Variants in ACTR10 observed in about 807,000 individuals in gnomAD.
ACTR10 encodes actin-related protein 10.
Under a neutral mutation model 56.2 loss-of-function variants are expected in ACTR10, and 43 were observed. The ratio of observed to expected loss-of-function variants is 0.77; its 90% CI spans 0.60 to 0.99. ACTR10 has a LOEUF of 0.99. Among genes scored for constraint, ACTR10 ranks in the 50% least tolerant of loss-of-function variants. ACTR10 has a pLI of 0.00. For missense variants in ACTR10, 466 were observed against 507.8 expected, an observed-to-expected ratio of 0.92 and a Z score of 0.79; for synonymous variants, 170 against 176.3, an observed-to-expected ratio of 0.96 and a Z score of 0.28.
Position 58,234,580 on chromosome 14 carries a change from A to T in ACTR10, c.*29A>T. The T allele has an allele frequency of 6.3e-7, 1 of 1,588,936 alleles. No homozygotes were observed. The highest frequency in any genetic ancestry group is 1.3e-5 in the African/African-American group (1 of 74,124). On this transcript the variant is annotated 3_prime_UTR_variant, in exon 13 of 13. Transcript: ENST00000254286. ...TTTGATTAAAAATCAACCTTGCTTC[A>T]TATCAAATATTTAACCAATTATAAG...
intron 10 of ACTR10, among the ~76,000 whole-genome samples, chr14:58,228,483 G>C (rs770763910): frequency 5.9e-5 from 9 of 151,890 alleles, no homozygotes; most frequent in Non-Finnish European, 1.0e-4. Context: ...TTAGCTGGGC[G>C]TGGTGGCACA....
At chr14:58,216,171 C>G (rs148310084) in intron 7 of ACTR10, among the ~76,000 whole-genome samples, 2,257 of 152,264 alleles carry the variant, frequency 0.015, 22 homozygotes, top group Middle Eastern at 0.034. Flanking sequence ...GTTGCCCAGA[C>G]TGGAGGGCAG....
intron 1 of ACTR10, among the ~76,000 whole-genome samples, chr14:58,200,838 A>C (rs536208343): frequency 6.6e-6 from 1 of 152,366 alleles, no homozygotes; most frequent in Admixed American, 6.5e-5. Context: ...CTAAACTCGA[A>C]GGTTAGATTT....
chr14:58,213,729 T>C, intron 6 of ACTR10, 31 bp downstream of exon 6: 1 of 1,553,492 alleles, frequency 6.4e-7, no homozygotes, highest in Non-Finnish European at 8.9e-7. Context: ...CATATTCATT[T>C]CACCTGTGCC....
intron 2 of ACTR10, among the ~76,000 whole-genome samples, chr14:58,204,482 T>C (rs1000784681): frequency 6.6e-6 from 1 of 151,850 alleles, no homozygotes; most frequent in Non-Finnish European, 1.5e-5. Context: ...GCCCAGGAGG[T>C]TGAGGCTGCA....
At chr14:58,203,028 G>A (rs1364878244) in intron 2 of ACTR10, 101 bp downstream of exon 2, 6 of 801,766 alleles carry the variant, frequency 7.5e-6, no homozygotes, top group African/African-American at 5.3e-5. Context: ...AAGGCCAGCC[G>A]TGGTGGCTCA....
intron 4 of ACTR10, 68 bp downstream of exon 4, chr14:58,209,175 C>G (rs1566623802): frequency 8.9e-7 from 1 of 1,125,246 alleles, no homozygotes; most frequent in Non-Finnish European, 1.3e-6. Context: ...AAATTCTTAC[C>G]AATTTTTAGG....
At chr14:58,205,402 C>G (rs943709271) in intron 2 of ACTR10, among the ~76,000 whole-genome samples, 4 of 150,030 alleles carry the variant, frequency 2.7e-5, no homozygotes, top group African/African-American at 9.8e-5. Context: ...ACAAGCCCCA[C>G]CTCCCGGGTT....
At chr14:58,230,324 G>A (rs1319559265) in intron 10 of ACTR10, 75 bp from the exon 11 acceptor site, 2 of 703,202 alleles carry the variant, frequency 2.8e-6, no homozygotes, top group Non-Finnish European at 4.5e-6. Context: ...TATGTAAATG[G>A]AAATAATGGT....
rs534663483 is a variant in ACTR10 at position 58,216,458 on chromosome 14, T to C, written c.598+1174T>C. On this transcript the variant is annotated intron_variant, in intron 7 of 12. Transcript: ENST00000254286. ...TTTCACAAAATAAATATAAATACAT[T>C]GCTCTTTTGCTTGAGAATTTTTGTA... Among the ~76,000 whole-genome samples the C allele has an allele frequency of 2.0e-4, 30 of 152,272 alleles. No individual in the cohort carries two copies. The South Asian group carries it at 6.2e-3, about 32-fold the overall frequency.
chr14:58,220,083 C>T (rs1889227479), intron 8 of ACTR10, among the ~76,000 whole-genome samples: 1 of 152,098 alleles, frequency 6.6e-6, no homozygotes, highest in Non-Finnish European at 1.5e-5. Context: ...ATACATTTTT[C>T]TAAGAACTTC....
At chr14:58,223,488 A>C in intron 8 of ACTR10, 134 bp from the exon 9 acceptor site, 1 of 762,400 alleles carries the variant, frequency 1.3e-6, no homozygotes, top group Non-Finnish European at 2.1e-6. Flanking sequence ...AAAGATGGGA[A>C]TAGAGTTTAT....
intron 8 of ACTR10, among the ~76,000 whole-genome samples, chr14:58,220,254 C>T (rs1889230766): frequency 6.6e-6 from 1 of 152,016 alleles, no homozygotes; most frequent in East Asian, 1.9e-4. Context: ...ATCTTCAATA[C>T]TTGGCATGTC....
chr14:58,222,297 C>T (rs1238922844), intron 8 of ACTR10, among the ~76,000 whole-genome samples: 1 of 151,910 alleles, frequency 6.6e-6, no homozygotes, highest in Non-Finnish European at 1.5e-5. Context: ...TTTTAAGCAG[C>T]TTATTGTAAA....
chr14:58,226,642 C>A (rs1889408488), intron 10 of ACTR10, among the ~76,000 whole-genome samples: 1 of 151,552 alleles, frequency 6.6e-6, no homozygotes, highest in Non-Finnish European at 1.5e-5. Context: ...CTCTTGTTGC[C>A]CAGGCTGGAG....
rs941093118 is a variant in ACTR10, at chr14:58,234,781, T to C, written c.*230T>C. ...TTGCTGTATTTATATCAATAAAGTA[T>C]AGTAAAGCAGTTTGATTTTGGAAGT... is the stretch of plus-strand genomic sequence containing the variant. On this transcript the variant is annotated 3_prime_UTR_variant, in exon 13 of 13. Transcript: ENST00000254286. 1 of 349,034 alleles carries C rather than the reference T, an allele frequency of 2.9e-6. No individual in the cohort carries two copies. 21.6% of individuals were successfully genotyped at this position (349,034 alleles called of 1,614,324 possible). A position where few individuals can be genotyped will look rare whatever the true frequency, so the allele number is the denominator to read the frequency against.
rs553068799 is a variant in ACTR10 at position 58,208,929 on chromosome 14, T to A, written c.234-70T>A. The A allele has an allele frequency of 1.1e-3, 1,082 of 990,682 alleles. 5 individuals are homozygous for A. The highest frequency in any genetic ancestry group is 6.9e-4 in the Non-Finnish European group (441 of 635,502). The allele number at this position is 990,682 out of a possible 1,614,324, so 61.4% of individuals were successfully genotyped here. A position where few individuals can be genotyped will look rare whatever the true frequency, so the allele number is the denominator to read the frequency against. The stretch of plus-strand genomic sequence containing the variant: ...AGCTAAGGTAGTACAGTTTCACTGT[T>A]CTTAAATTGTATGACTTAACAAAAT... On this transcript the variant is annotated intron_variant, in intron 3 of 12. Transcript: ENST00000254286.
intron 12 of ACTR10, 134 bp downstream of exon 12, chr14:58,232,401 T>TTTA: frequency 8.6e-6 from 4 of 462,496 alleles, no homozygotes; most frequent in African/African-American, 2.2e-5. Flanking sequence ...ACACTGACTT[T>TTTA]TTCTTTTTTT....
intron 7 of ACTR10, among the ~76,000 whole-genome samples, chr14:58,216,634 C>T (rs1337989863): frequency 2.6e-5 from 4 of 152,276 alleles, no homozygotes; most frequent in South Asian, 2.1e-4. Flanking sequence ...GTCGAGGCAC[C>T]GTGAGTCCTA....
Sources: gnomAD v4.1 joint callset for allele counts (sites outside exome capture counted in the v4.1 genomes callset) on GRCh38, gnomAD v4.1.1 for gene constraint, MANE v1.5 for transcripts, NCBI Gene and HGNC (gene_info 2026-07-23, HGNC 2026-07-21) for gene names.